RECK: variants seen among roughly 807,000 people sequenced by gnomAD.
RECK encodes reversion inducing cysteine rich protein with kazal motifs.
RECK carries 69 observed loss-of-function variants against 115.1 expected under a neutral mutation model. The ratio of observed to expected loss-of-function variants is 0.60; its 90% CI spans 0.49 to 0.73. The LOEUF (loss-of-function observed/expected upper bound fraction) is 0.73. Ranked by LOEUF, RECK falls within the 30% of genes least tolerant of loss-of-function variation. The probability of loss-of-function intolerance (pLI) is 0.00; values close to 1 mark genes in which losing one functional copy is unlikely to be tolerated. For missense variants in RECK, 1,047 were observed against 1,203.7 expected, an observed-to-expected ratio of 0.87 and a Z score of 1.93; for synonymous variants, 414 against 419.7, an observed-to-expected ratio of 0.99 and a Z score of 0.17.
At chr9:36,120,316 C>A (rs1228366832) in intron 18 of RECK, among the ~76,000 whole-genome samples, 1 of 152,056 alleles carries the variant, frequency 6.6e-6, no homozygotes. Context: ...GACAGGGAAA[C>A]AAGGCCTGGC....
intron 8 of RECK, chr9:36,086,202 G>A (rs1184273947): frequency 6.6e-6 from 1 of 152,150 alleles, no homozygotes; most frequent in Non-Finnish European, 1.5e-5. Context: ...GTCAGAGTTC[G>A]CTACTGTACT....
Position 36,118,949 on chromosome 9 carries a change from A to C in RECK, c.2446A>C (p.Lys816Gln). 6.2e-7 allele frequency: 1 copy of C among 1,612,648 alleles called. No individual in the cohort carries two copies. Among genetic ancestry groups the C allele is most frequent in the Non-Finnish European group, 8.5e-7 (1 of 1,179,956 alleles). Reference sequence around the variant, plus strand: ...TCCTTCGCTCTTGGCAGCTGGATGCAAACCCATCATCCCACCGGGTAGGCT... The same window carrying C: ...TCCTTCGCTCTTGGCAGCTGGATGCCAACCCATCATCCCACCGGGTAGGCT... Reference protein sequence around the residue: ...KCPSLLAAGCKPIIPPGACCP... With the variant: ...KCPSLLAAGCQPIIPPGACCP... The change falls in exon 18 of 21, where the codon AAA becomes CAA. Residue 816 changes from lysine (K) to glutamine (Q), a missense_variant. Transcript: ENST00000377966.
At chr9:36,078,938 C>G (rs1822563592) in intron 6 of RECK, among the ~76,000 whole-genome samples, 1 of 152,014 alleles carries the variant, frequency 6.6e-6, no homozygotes, top group African/African-American at 2.4e-5. Flanking sequence ...TCTTGTTTCC[C>G]AGGCTGGAGT....
rs144258432 is a variant in RECK at position 36,041,293 on chromosome 9, A to G, written c.100+4195A>G. On this transcript the variant is annotated intron_variant, in intron 1 of 20. Transcript: ENST00000377966. ...GTATGATGGATGCTGTAAAGCACAT[A>G]GGTAACTTGAACAAGACTATAAGTG... 7.7e-4 allele frequency among the ~76,000 whole-genome samples: 118 copies of G among 152,332 alleles called. 2 individuals carry two copies. The East Asian group carries it at 9.1e-3, about 12-fold the overall frequency.
At chr9:36,060,262 A>C in intron 4 of RECK, 107 bp downstream of exon 4, 1 of 1,118,204 alleles carries the variant, frequency 8.9e-7, no homozygotes, top group Non-Finnish European at 1.3e-6. Context: ...TGGAGTTTCT[A>C]TCCTCTCCTT....
chr9:36,067,641 C>A (rs1822061493), intron 6 of RECK, among the ~76,000 whole-genome samples: 1 of 152,086 alleles, frequency 6.6e-6, no homozygotes, highest in African/African-American at 2.4e-5. Context: ...TGCAAATTAA[C>A]AAGTACCTGT....
chr9:36,124,054 T>C lies in RECK; in HGVS notation c.*1009T>C, dbSNP rs936139181. 1.4e-5 allele frequency: 2 copies of C among 147,166 alleles called. No homozygotes were observed. Among genetic ancestry groups the C allele is most frequent in the Non-Finnish European group, 2.9e-5 (2 of 68,020 alleles). 9.1% of individuals were successfully genotyped at this position (147,166 alleles called of 1,614,324 possible). A position where few individuals can be genotyped will look rare whatever the true frequency, so the allele number is the denominator to read the frequency against. On this transcript the variant is annotated 3_prime_UTR_variant, in exon 21 of 21. Transcript: ENST00000377966. ...GCACAATGTAGATAAGTGTTCTGTC[T>C]GACTTTCTTTTTTGATATAGAAGTA...
At chr9:36,089,264 A>G (rs1823074334) in intron 9 of RECK, among the ~76,000 whole-genome samples, 1 of 152,158 alleles carries the variant, frequency 6.6e-6, no homozygotes, top group Admixed American at 6.6e-5. Flanking sequence ...TAGAGTCACT[A>G]GAGGTTGGAA....
chr9:36,055,526 C>G (rs1821489286), intron 2 of RECK, among the ~76,000 whole-genome samples: 1 of 152,040 alleles, frequency 6.6e-6, no homozygotes, highest in South Asian at 2.1e-4. Flanking sequence ...ACACCCAGCC[C>G]TTGAAAAAGG....
rs116578506 is a variant in RECK at position 36,053,108 on chromosome 9, A to G, written c.159+785A>G. On this transcript the variant is annotated intron_variant, in intron 2 of 20. Coordinates refer to ENST00000377966, the MANE Select transcript of RECK (RefSeq NM_021111.3). ...TTTGTGTATATATACAGAGAATTAA[A>G]GCAAATGTTGCAAAGTGTTTAGGAT... Among the ~76,000 whole-genome samples the G allele has an allele frequency of 2.7e-3, 415 of 152,318 alleles. 3 individuals are homozygous for G. The highest frequency in any genetic ancestry group is 9.6e-3 in the African/African-American group (399 of 41,570).
chr9:36,111,996 G>T (rs943806799), intron 15 of RECK, among the ~76,000 whole-genome samples: 2 of 151,028 alleles, frequency 1.3e-5, no homozygotes, highest in African/African-American at 4.9e-5. Flanking sequence ...GGTGGCATGC[G>T]CCTGTAGTCC....
Position 36,083,523 on chromosome 9 carries a change from A to G in RECK, c.598A>G (p.Asn200Asp), listed in dbSNP as rs1564119335. The G allele has an allele frequency of 6.2e-7, 1 of 1,613,896 alleles. No individual in the cohort carries two copies. The highest frequency in any genetic ancestry group is 1.1e-5 in the South Asian group (1 of 91,058). Residue 200 changes from asparagine to aspartate, a missense_variant, in exon 8 of 21, where the codon AAT (asparagine) becomes GAT (aspartate). Physicochemically the swap from Asn to Asp is conservative, Grantham distance 23. Transcript: ENST00000377966. ...TCCACAATTAATACATTGTGTGAAC[A>G]ATTATACTCAATCTTATCCAATGAG... is the stretch of plus-strand genomic sequence containing the variant. ...ISPQLIHCVN[N>D]YTQSYPMRNP... is the part of the protein sequence containing the mutation.
chr9:36,104,563 G>T (rs995965249), intron 12 of RECK, among the ~76,000 whole-genome samples: 7 of 150,012 alleles, frequency 4.7e-5, no homozygotes, highest in Admixed American at 4.7e-4. Flanking sequence ...AAGCTGGAGT[G>T]CAGTGATGTG....
chr9:36,121,601 A>C lies in RECK; in HGVS notation c.2607A>C (p.Pro869=). ...LQKIRMHVSV[P]QCDVFGYFSI... ...AAATCCGCATGCACGTGTCTGTCCC[A>C]CAGTGTGATGTGTTTGGATACTTCA... Residue 869 remains proline (P), a synonymous_variant, in exon 20 of 21, where the codon CCA becomes CCC. Coordinates refer to ENST00000377966, the MANE Select transcript of RECK (RefSeq NM_021111.3). 1 of 1,614,108 alleles carries C rather than the reference A, an allele frequency of 6.2e-7. No individual in the cohort carries two copies. Among genetic ancestry groups the C allele is most frequent in the South Asian group, 1.1e-5 (1 of 91,076 alleles).
At chr9:36,113,212 A>G (rs888548912) in intron 16 of RECK, among the ~76,000 whole-genome samples, 2 of 152,228 alleles carry the variant, frequency 1.3e-5, no homozygotes, top group Non-Finnish European at 2.9e-5. Flanking sequence ...GCCTTCTGGA[A>G]GCAGAGTGTT....
At chr9:36,105,490 A>C (rs1270992268) in intron 13 of RECK, among the ~76,000 whole-genome samples, 2 of 152,208 alleles carry the variant, frequency 1.3e-5, no homozygotes, top group Non-Finnish European at 2.9e-5. Flanking sequence ...TGATGTAAGC[A>C]GGAAAAGACA....
chr9:36,067,248 A>G (rs527916812), intron 6 of RECK, among the ~76,000 whole-genome samples: 87 of 152,284 alleles, frequency 5.7e-4, no homozygotes, highest in Non-Finnish European at 1.8e-4. Flanking sequence ...CTGGTTGTTT[A>G]TCAACATCAG....
At chr9:36,045,270 A>G (rs1372454156) in intron 1 of RECK, among the ~76,000 whole-genome samples, 1 of 152,218 alleles carries the variant, frequency 6.6e-6, no homozygotes, top group Non-Finnish European at 1.5e-5. Flanking sequence ...TGACAATTTC[A>G]TGAATGTATT....
chr9:36,063,089 C>G (rs143683309), intron 4 of RECK, among the ~76,000 whole-genome samples: 2 of 151,762 alleles, frequency 1.3e-5, no homozygotes, highest in Non-Finnish European at 2.9e-5. Flanking sequence ...GAGCCAAGAT[C>G]GCGCCACTGC....
Sources: gnomAD v4.1 joint callset for allele counts (sites outside exome capture counted in the v4.1 genomes callset) on GRCh38, gnomAD v4.1.1 for gene constraint, MANE v1.5 for transcripts, NCBI Gene and HGNC (gene_info 2026-07-23, HGNC 2026-07-21) for gene names.